CSMD1: variants seen among roughly 807,000 people sequenced by gnomAD.
The protein encoded by CSMD1 is CUB and sushi domain-containing protein 1.
In CSMD1, 213 loss-of-function variants were observed where a neutral mutation model predicts 417.5. The ratio of observed to expected loss-of-function variants is 0.51; its 90% CI spans 0.46 to 0.57. CSMD1 has a LOEUF of 0.57. Ranked by LOEUF, CSMD1 falls within the 20% of genes least tolerant of loss-of-function variation. The pLI is 0.00. For missense variants in CSMD1, 6,923 were observed against 4,529.7 expected (o/e 1.53, Z -15.17); for synonymous variants, 2,862 against 1,736.8 (o/e 1.65, Z -16.11).
chr8:4,131,881 G>C (rs1324204684), intron 3 of CSMD1, among the ~76,000 whole-genome samples: 12 of 145,230 alleles, frequency 8.3e-5, no homozygotes, highest in Non-Finnish European at 1.0e-4. Flanking sequence ...TCCTGCCTTA[G>C]TCTCCCATGT....
At chr8:4,719,189 A>G (rs756899372) in intron 1 of CSMD1, among the ~76,000 whole-genome samples, 5 of 152,206 alleles carry the variant, frequency 3.3e-5, no homozygotes, top group African/African-American at 4.8e-5. Flanking sequence ...ACAGCTAGAG[A>G]AAGTGCAGGG....
intron 3 of CSMD1, among the ~76,000 whole-genome samples, chr8:4,332,099 A>C (rs1039518094): frequency 6.6e-5 from 10 of 152,132 alleles, no homozygotes; most frequent in African/African-American, 2.2e-4. Flanking sequence ...TAATTTTGCC[A>C]AGAAACCACG....
intron 3 of CSMD1, among the ~76,000 whole-genome samples, chr8:4,033,129 T>C (rs1376250560): frequency 2.8e-5 from 1 of 35,868 alleles, no homozygotes; most frequent in African/African-American, 1.2e-4. Flanking sequence ...ATTTCCAATA[T>C]GAAAAAAAAA....
intron 69 of CSMD1, among the ~76,000 whole-genome samples, chr8:2,941,725 A>G (rs2128913167): frequency 6.6e-6 from 1 of 152,230 alleles, no homozygotes; most frequent in East Asian, 1.9e-4. Context: ...GAGATGGAAC[A>G]TCTATATTGC....
At chr8:4,251,386 T>C (rs1010933609) in intron 3 of CSMD1, among the ~76,000 whole-genome samples, 2 of 152,208 alleles carry the variant, frequency 1.3e-5, no homozygotes, top group Non-Finnish European at 2.9e-5. Context: ...AAAGCTTTGA[T>C]GTCCTCCTAT....
chr8:3,459,236 G>A (rs975896575), intron 12 of CSMD1, among the ~76,000 whole-genome samples: 1 of 152,208 alleles, frequency 6.6e-6, no homozygotes, highest in African/African-American at 2.4e-5. Context: ...GGGAGCCACA[G>A]GTGCACGAAG....
chr8:4,516,160 C>A (rs1803110111), intron 2 of CSMD1, among the ~76,000 whole-genome samples: 1 of 151,908 alleles, frequency 6.6e-6, no homozygotes. Context: ...GGCCCTAATC[C>A]AATATGACTG....
intron 3 of CSMD1, among the ~76,000 whole-genome samples, chr8:4,074,774 G>A (rs756070074): frequency 1.3e-5 from 2 of 151,994 alleles, no homozygotes; most frequent in Non-Finnish European, 2.9e-5. Context: ...TGCTTGCAAA[G>A]TAGTTCTCTT....
chr8:4,013,719 C>G (rs533251196), intron 4 of CSMD1, among the ~76,000 whole-genome samples: 3 of 152,210 alleles, frequency 2.0e-5, no homozygotes, highest in Non-Finnish European at 4.4e-5. Context: ...GCAGCTACAA[C>G]AAATGTTGGC....
At chr8:4,453,401 G>T (rs968470986) in intron 2 of CSMD1, among the ~76,000 whole-genome samples, 2 of 152,194 alleles carry the variant, frequency 1.3e-5, no homozygotes, top group Non-Finnish European at 2.9e-5. Context: ...GCTGAAGTCA[G>T]GAGATTCCCA....
In CSMD1 at chr8:3,358,783, C is replaced by G. The variant is rs531441122; in HGVS notation, c.3304+369G>C. On this transcript the variant is annotated intron_variant, in intron 21 of 69. Transcript: ENST00000635120. ...GGACACGTGCTGCTTTTAATCAATG[C>G]AATTGTCAGAGGTTGTGTTATTATA... Among the ~76,000 whole-genome samples, 5 of 152,210 alleles carry G rather than the reference C, an allele frequency of 3.3e-5. No homozygotes were observed. In the South Asian group the frequency reaches 1.0e-3, roughly 32 times the overall value.
intron 3 of CSMD1, among the ~76,000 whole-genome samples, chr8:4,201,177 G>C (rs1315924800): frequency 6.6e-6 from 1 of 152,178 alleles, no homozygotes; most frequent in South Asian, 2.1e-4. Context: ...ATTAAGTACT[G>C]TTGTGTATGC....
chr8:3,059,308 G>A (rs375318948), intron 49 of CSMD1, among the ~76,000 whole-genome samples: 30 of 148,984 alleles, frequency 2.0e-4, no homozygotes, highest in Admixed American at 4.7e-4. Context: ...CCAAAAACAC[G>A]AGGGCTTCTG....
intron 5 of CSMD1, among the ~76,000 whole-genome samples, chr8:3,969,080 A>G (rs1250299802): frequency 6.6e-6 from 1 of 152,072 alleles, no homozygotes; most frequent in Non-Finnish European, 1.5e-5. Context: ...GTGCAAGCAC[A>G]TCTCTACTAA....
chr8:4,305,371 C>T (rs1563423191), intron 3 of CSMD1, among the ~76,000 whole-genome samples: 1 of 152,010 alleles, frequency 6.6e-6, no homozygotes, highest in African/African-American at 2.4e-5. Flanking sequence ...AAGGGGCTTG[C>T]AGGGATAGAG....
chr8:4,612,612 G>T (rs1801240336), intron 2 of CSMD1, among the ~76,000 whole-genome samples: 1 of 152,182 alleles, frequency 6.6e-6, no homozygotes, highest in East Asian at 1.9e-4. Flanking sequence ...CAGAAACCAT[G>T]AGGACAAGGG....
rs370097881 is a variant in CSMD1, at chr8:3,966,371, A to T, written c.818+31532T>A. ...ACTCTCCCAAATTTATAAACATCCAAGTCTTGCGTCTTGAAAACAATTCTG... is the reference window on the plus strand; with the variant it reads ...ACTCTCCCAAATTTATAAACATCCATGTCTTGCGTCTTGAAAACAATTCTG... On this transcript the variant is annotated intron_variant, in intron 5 of 69. Transcript: ENST00000635120. Among the ~76,000 whole-genome samples, 15 of 152,306 alleles carry T rather than the reference A, an allele frequency of 9.8e-5. No homozygotes were observed. In the South Asian group the frequency reaches 3.1e-3, roughly 32 times the overall value.
At chr8:4,553,026 C>A (rs919470910) in intron 2 of CSMD1, among the ~76,000 whole-genome samples, 17 of 152,210 alleles carry the variant, frequency 1.1e-4, no homozygotes, top group Non-Finnish European at 1.9e-4. Flanking sequence ...GAACATGAAG[C>A]ACGTTAATAA....
Position 4,989,031 on chromosome 8 carries a change from T to C in CSMD1, c.85+5301A>G, listed in dbSNP as rs1183909859. Among the ~76,000 whole-genome samples, 4 of 152,312 alleles carry C rather than the reference T, an allele frequency of 2.6e-5. No homozygotes were observed. The East Asian group carries it at 7.7e-4, about 29-fold the overall frequency. Reference sequence around the variant, plus strand: ...AAGGTCACTTAAGGTCATTTTAAAGTCCTTATGGAAAAGACTGACTTACTT... The same window carrying C: ...AAGGTCACTTAAGGTCATTTTAAAGCCCTTATGGAAAAGACTGACTTACTT... On this transcript the variant is annotated intron_variant, in intron 1 of 69. Transcript: ENST00000635120.
Sources: allele counts gnomAD v4.1 joint callset (sites outside exome capture counted in the v4.1 genomes callset), GRCh38; gene constraint gnomAD v4.1.1; transcripts MANE v1.5; gene names NCBI Gene and HGNC (gene_info 2026-07-23, HGNC 2026-07-21).